CNFN: variants seen among roughly 807,000 people sequenced by gnomAD.
CNFN encodes cornifelin.
A neutral mutation model predicts 14.9 loss-of-function variants in CNFN; 10 were observed. That is an observed-to-expected ratio of 0.67 (90% CI 0.41 to 1.14). The LOEUF is 1.14. Among genes scored for constraint, CNFN ranks in the 50% most tolerant of loss-of-function variants. The pLI is 0.00. For missense variants in CNFN, 165 were observed against 152.8 expected, an observed-to-expected ratio of 1.08 and a Z score of -0.42; for synonymous variants, 66 against 60.0, an observed-to-expected ratio of 1.10 and a Z score of -0.46.
chr19:42,387,330 C>T lies in CNFN; in HGVS notation c.249+10G>A, dbSNP rs2039858238. ...TCCCTGCTCCCGCGGGTCCCCAGCC[C>T]GGCGCGCACCTGGATGTGGTAGCGC... On this transcript the variant is annotated intron_variant, in intron 3 of 3. Coordinates refer to ENST00000222032, the MANE Select transcript of CNFN (RefSeq NM_032488.4). 1.3e-6 allele frequency: 2 copies of T among 1,596,568 alleles called. No homozygotes were observed. The highest frequency in any genetic ancestry group is 2.3e-5 in the East Asian group (1 of 43,884).
chr19:42,387,593 A>C, intron 2 of CNFN, 117 bp from the exon 3 acceptor site: 1 of 656,686 alleles, frequency 1.5e-6, no homozygotes, highest in Admixed American at 3.3e-5. Flanking sequence ...AGCCAAGGAG[A>C]GGTCCCAGAG....
intron 1 of CNFN, chr19:42,389,501 CGTT>C (rs1568586535): frequency 7.7e-7 from 1 of 1,290,504 alleles, no homozygotes; most frequent in Admixed American, 2.3e-5. Flanking sequence ...TTGCCTTTCA[CGTT>C]GTCGTGCATC....
intron 1 of CNFN, among the ~76,000 whole-genome samples, chr19:42,389,299 AC>A (rs2039880272): frequency 6.6e-6 from 1 of 152,110 alleles, no homozygotes; most frequent in African/African-American, 2.4e-5. Context: ...AAGGGTGGGG[AC>A]CACATCTGGG....
intron 2 of CNFN, 30 bp downstream of exon 2, chr19:42,388,896 G>A: frequency 6.6e-7 from 1 of 1,525,432 alleles, no homozygotes; most frequent in Non-Finnish European, 9.1e-7. Flanking sequence ...TCTTCCACCA[G>A]GCCTGGAGAG....
chr19:42,389,247 G>A (rs577170695), intron 1 of CNFN, among the ~76,000 whole-genome samples: 2 of 152,260 alleles, frequency 1.3e-5, no homozygotes, highest in African/African-American at 4.8e-5. Flanking sequence ...GCTCCTGCAC[G>A]TCTGGTTAGG....
At chr19:42,387,895 G>A (rs2147531431) in intron 2 of CNFN, among the ~76,000 whole-genome samples, 1 of 148,858 alleles carries the variant, frequency 6.7e-6, no homozygotes, top group African/African-American at 2.5e-5. Context: ...CAGGAGAATC[G>A]CTTGAACCCG....
intron 2 of CNFN, among the ~76,000 whole-genome samples, chr19:42,388,498 TTTA>T (rs898513383): frequency 6.6e-6 from 1 of 152,152 alleles, no homozygotes; most frequent in Admixed American, 6.5e-5. Flanking sequence ...CGACCTATTT[TTTA>T]TTTTTATTTT....
intron 2 of CNFN, among the ~76,000 whole-genome samples, chr19:42,388,001 A>AC (rs1441788219): frequency 1.1e-4 from 16 of 141,402 alleles, no homozygotes; most frequent in Admixed American, 2.3e-4. Flanking sequence ...AAAACAAAAC[A>AC]AAAAAAAAAA....
At chr19:42,389,099 A>C (rs1353880592) in intron 1 of CNFN, 60 bp from the exon 2 acceptor site, 27 of 1,284,566 alleles carry the variant, frequency 2.1e-5, no homozygotes, top group Non-Finnish European at 2.9e-5. Flanking sequence ...TGGGCCCCGC[A>C]CTTCGGCCAC....
intron 1 of CNFN, 49 bp from the exon 2 acceptor site, chr19:42,389,088 C>T (rs1568586379): frequency 7.2e-7 from 1 of 1,394,444 alleles, no homozygotes; most frequent in Admixed American, 1.8e-5. Context: ...GCAGCATCTC[C>T]TGGGCCCCGC....
chr19:42,387,456 G>C lies in CNFN; in HGVS notation c.133C>G (p.Pro45Ala). 6.3e-7 allele frequency: 1 copy of C among 1,590,836 alleles called. No homozygotes were observed. Among genetic ancestry groups the C allele is most frequent in the South Asian group, 1.1e-5 (1 of 88,044 alleles). ...GAGATGCGGCAGGCAAGGCACAGAG[G>C]AGCAAAAGTGCCGCACAGACCTGGG... Reference protein sequence around the residue: ...MPVCLCGTFAPLCLACRISDD... With the variant: ...MPVCLCGTFAALCLACRISDD... Residue 45 changes from proline to alanine, a missense_variant, in exon 3 of 4, where the codon CCT becomes GCT. Transcript: ENST00000222032.
At chr19:42,387,715 C>T (rs1185525682) in intron 2 of CNFN, among the ~76,000 whole-genome samples, 2 of 138,776 alleles carry the variant, frequency 1.4e-5, no homozygotes, top group Non-Finnish European at 3.0e-5. Flanking sequence ...GGTGCAGTGG[C>T]TTACGCCTGT....
chr19:42,387,556 T>C, intron 2 of CNFN, 80 bp from the exon 3 acceptor site: 1 of 1,123,828 alleles, frequency 8.9e-7, no homozygotes, highest in Middle Eastern at 3.0e-4. Context: ...CGCGGTTGAT[T>C]CGCCGCGGAG....
At chr19:42,388,716 T>C (rs1291503585) in intron 2 of CNFN, among the ~76,000 whole-genome samples, 2 of 151,960 alleles carry the variant, frequency 1.3e-5, no homozygotes, top group African/African-American at 4.8e-5. Flanking sequence ...CCTGATAAGT[T>C]GAGTGTGGGA....
rs752239910 is a variant in CNFN at position 42,387,363 on chromosome 19, T to A, written c.226A>T (p.Met76Leu). 2 of 1,598,576 alleles carry A rather than the reference T, an allele frequency of 1.3e-6. No homozygotes were observed. The highest frequency in any genetic ancestry group is 1.7e-5 in the Admixed American group (1 of 57,658). The change falls in exon 3 of 4, where the codon ATG (methionine) becomes TTG (leucine). Residue 76 changes from methionine to leucine, a missense_variant. Met to Leu is a conservative substitution (Grantham distance 15, BLOSUM62 2). Coordinates refer to ENST00000222032, the MANE Select transcript of CNFN (RefSeq NM_032488.4). ...PGGLHSIRTGMRERYHIQGSV... is the reference protein window; with the variant it reads ...PGGLHSIRTGLRERYHIQGSV... The stretch of plus-strand genomic sequence containing the variant: ...ACCTGGATGTGGTAGCGCTCCCGCA[T>A]GCCGGTGCGGATGGAGTGCAGGCCT...
rs1321819354 is a variant in CNFN, at chr19:42,387,042, G to A, written c.*111C>T. ...AGTTGGTTTTCAGGTTTTTATTGTGGGTGTATTTCTGGCAGCGGGACAGGG... is the reference window on the plus strand; with the variant it reads ...AGTTGGTTTTCAGGTTTTTATTGTGAGTGTATTTCTGGCAGCGGGACAGGG... On this transcript the variant is annotated 3_prime_UTR_variant, in exon 4 of 4. Coordinates refer to ENST00000222032, the MANE Select transcript of CNFN (RefSeq NM_032488.4). The A allele has an allele frequency of 9.5e-7, 1 of 1,050,866 alleles. No individual in the cohort carries two copies. The highest frequency in any genetic ancestry group is 1.3e-5 in the South Asian group (1 of 74,600). 65.1% of individuals were successfully genotyped at this position (1,050,866 alleles called of 1,614,324 possible).
chr19:42,387,550 G>A, intron 2 of CNFN, 74 bp from the exon 3 acceptor site: 1 of 1,208,478 alleles, frequency 8.3e-7, no homozygotes, highest in Non-Finnish European at 1.1e-6. Context: ...GGGGGGCGCG[G>A]TTGATTCGCC....
Position 42,387,998 on chromosome 19 carries a change from AAC to A in CNFN, c.113-524_113-523del, listed in dbSNP as rs1395337828. Among the ~76,000 whole-genome samples, 152 of 146,886 alleles carry A rather than the reference AAC, an allele frequency of 1.0e-3. 3 individuals carry two copies. The highest frequency in any genetic ancestry group is 3.6e-3 in the African/African-American group (144 of 39,686). On this transcript the variant is annotated intron_variant, in intron 2 of 3. Transcript: ENST00000222032. ...CCGTCTCAAAAAAAACAAAAAACAA[AAC>A]AAAAAAAAAAACGAAAGAAAGAAAA...
At chr19:42,387,653 TTTTC>T (rs2039863875) in intron 2 of CNFN, among the ~76,000 whole-genome samples, 177 bp from the exon 3 acceptor site, 1 of 150,668 alleles carries the variant, frequency 6.6e-6, no homozygotes, top group Non-Finnish European at 1.5e-5. Context: ...AAGGCAGGGT[TTTTC>T]TTTTTTTTTT....
Sources: allele counts gnomAD v4.1 joint callset (sites outside exome capture counted in the v4.1 genomes callset), GRCh38; gene constraint gnomAD v4.1.1; transcripts MANE v1.5; gene names NCBI Gene and HGNC (gene_info 2026-07-23, HGNC 2026-07-21).